The following ODF2 variants were observed in gnomAD, a reference collection of about 807,000 sequenced individuals.
ODF2 encodes outer dense fiber of sperm tails 2, also known as outer dense fiber protein 2.
In ODF2, 47 loss-of-function variants were observed where a neutral mutation model predicts 110.2. That is an observed-to-expected ratio of 0.43 (90% confidence interval 0.34 to 0.54). The LOEUF is 0.54. Ranked by LOEUF, ODF2 falls within the 20% of genes least tolerant of loss-of-function variation. The probability of loss-of-function intolerance (pLI) is 0.03; values close to 1 mark genes in which losing one functional copy is unlikely to be tolerated. For synonymous variants in ODF2, 352 were observed against 397.7 expected (o/e 0.89, Z 1.37); for missense variants, 812 against 1,054.5 (o/e 0.77, Z 3.19).
downstream of ODF2, chr9:128,500,493 C>A (rs1192510381): frequency 6.0e-6 from 3 of 501,976 alleles, no homozygotes; most frequent in East Asian, 9.5e-5. Context: ...CCTCGACAGG[C>A]CTTAAATTTA....
chr9:128,499,078 G>A (rs776571326), exon 20 of ODF2: 10 of 1,614,092 alleles, frequency 6.2e-6, no homozygotes, highest in Non-Finnish European at 8.5e-6. Flanking sequence ...AGACCCAGCT[G>A]AGCAGAACCA....
intron 14 of ODF2, 129 bp downstream of exon 14, chr9:128,488,154 A>G: frequency 9.0e-7 from 1 of 1,106,042 alleles, no homozygotes; most frequent in Non-Finnish European, 1.3e-6. Flanking sequence ...TTGACCAGGC[A>G]TGGTGGCTTA....
chr9:128,497,446 A>AATATATATAT (rs71381765), intron 18 of ODF2: 29 of 42,558 alleles, frequency 6.8e-4, no homozygotes, highest in African/African-American at 1.6e-3. Flanking sequence ...AAAAAAAAAA[A>AATATATATAT]ATATATATAT....
In ODF2 at chr9:128,498,255, C is replaced by T. The variant is rs1172107978; in HGVS notation, c.2013-158C>T. On this transcript the variant is annotated intron_variant, in intron 18 of 20. Coordinates refer to ENST00000604420, the Ensembl canonical transcript of ODF2. ...TCCAGCTGCACAGTTCTTTGGTCGC[C>T]TTGCTGATCTGCAGATTTCTTTGGC... is the stretch of plus-strand genomic sequence containing the variant. The T allele has an allele frequency of 7.7e-6, 9 of 1,170,672 alleles. No homozygotes were observed. In the Admixed American group the frequency reaches 3.2e-4, roughly 41 times the overall value. 72.5% of individuals were successfully genotyped at this position (1,170,672 alleles called of 1,614,324 possible).
At chr9:128,481,534 G>T (rs2131976955) in intron 8 of ODF2, 46 bp from the exon 9 acceptor site, 1 of 1,445,038 alleles carries the variant, frequency 6.9e-7, no homozygotes, top group Non-Finnish European at 9.7e-7. Context: ...AGACATCTGG[G>T]TTTATTGCTT....
chr9:128,492,156 C>T (rs1588974010), intron 14 of ODF2, among the ~76,000 whole-genome samples: 1 of 151,958 alleles, frequency 6.6e-6, no homozygotes, highest in East Asian at 1.9e-4. Flanking sequence ...TGAGCCACCG[C>T]GCCCGGCCTG....
intron 2 of ODF2, 26 bp from the exon 2 acceptor site, chr9:128,459,541 A>T (rs1371713603): frequency 2.0e-5 from 32 of 1,591,542 alleles, no homozygotes; most frequent in Non-Finnish European, 2.7e-5. Flanking sequence ...TTCTGCTTAC[A>T]ATCTGGTTCT....
At chr9:128,482,970 G>A (rs561144765) in intron 10 of ODF2, 83 bp downstream of exon 10, 92 of 1,056,948 alleles carry the variant, frequency 8.7e-5, no homozygotes, top group South Asian at 1.6e-4. Context: ...ATCTCAGCTC[G>A]CTGCAACCTC....
chr9:128,490,802 A>C (rs1564520838), intron 14 of ODF2, among the ~76,000 whole-genome samples: 1 of 152,138 alleles, frequency 6.6e-6, no homozygotes, highest in African/African-American at 2.4e-5. Flanking sequence ...ACATCTGTTA[A>C]GGTTGGTTTT....
chr9:128,487,126 G>A (rs1227190180), intron 13 of ODF2, among the ~76,000 whole-genome samples: 2 of 151,948 alleles, frequency 1.3e-5, no homozygotes, highest in African/African-American at 4.8e-5. Context: ...CCTTCACCCA[G>A]GCTATAGTGC....
intron 14 of ODF2, 78 bp downstream of exon 14, chr9:128,488,103 TGGGGGCATCTTGACTAAG>T: frequency 6.5e-7 from 1 of 1,535,856 alleles, no homozygotes; most frequent in Non-Finnish European, 8.9e-7. Flanking sequence ...TACGTGGGCC[TGGGGGCATCTTGACTAAG>T]AGGGAGTCAG....
chr9:128,480,379 A>T (rs557868105), intron 8 of ODF2, among the ~76,000 whole-genome samples: 1 of 152,360 alleles, frequency 6.6e-6, no homozygotes, highest in East Asian at 1.9e-4. Context: ...ATCACGTCAC[A>T]TGGTTACCTT....
intron 14 of ODF2, among the ~76,000 whole-genome samples, chr9:128,491,352 T>C (rs911531365): frequency 6.7e-5 from 10 of 149,614 alleles, no homozygotes; most frequent in African/African-American, 9.8e-5. Context: ...CCACAACATA[T>C]TGTTAATTTT....
intron 8 of ODF2, among the ~76,000 whole-genome samples, chr9:128,481,302 A>G (rs1842349103): frequency 6.6e-6 from 1 of 152,026 alleles, no homozygotes; most frequent in South Asian, 2.1e-4. Context: ...AGACCCTCCA[A>G]CTCTACAAAT....
At position 128,456,799 on chromosome 9, in the gene ODF2, T is replaced by C. The variant is rs913654408; in HGVS notation, c.-208-399T>C. 7 of 1,138,054 alleles carry C rather than the reference T, an allele frequency of 6.2e-6. No homozygotes were observed. The African/African-American group carries it at 8.4e-5, about 14-fold the overall frequency. The allele number at this position is 1,138,054 out of a possible 1,614,324, so 70.5% of individuals were successfully genotyped here. A position where few individuals can be genotyped will look rare whatever the true frequency, so the allele number is the denominator to read the frequency against. On this transcript the variant is annotated intron_variant, in intron 1 of 20. Transcript: ENST00000604420. ...CCGCCCCCTCCCAGCCCGGCGTCTA[T>C]CCTGCTCAGAACTCTGTTCGGTTTT... is the stretch of plus-strand genomic sequence containing the variant.
chr9:128,477,895 G>A (rs1022123413), intron 8 of ODF2, among the ~76,000 whole-genome samples: 4 of 151,992 alleles, frequency 2.6e-5, no homozygotes, highest in Non-Finnish European at 5.9e-5. Flanking sequence ...CATTGTGCCC[G>A]GCCACTCACC....
exon 9 of ODF2, chr9:128,481,594 A>G (rs756214902): frequency 8.1e-6 from 13 of 1,613,822 alleles, no homozygotes; most frequent in Non-Finnish European, 1.1e-5. Context: ...CTGAAAGACT[A>G]ATGGAGCAAC....
At chr9:128,496,266 A>T in intron 18 of ODF2, 125 bp downstream of exon 18, 1 of 1,529,972 alleles carries the variant, frequency 6.5e-7, no homozygotes, top group East Asian at 2.5e-5. Flanking sequence ...TACTAGGCAG[A>T]CCTCAGAGGA....
At chr9:128,484,363 G>T (rs1842979017) in intron 11 of ODF2, among the ~76,000 whole-genome samples, 1 of 152,136 alleles carries the variant, frequency 6.6e-6, no homozygotes, top group Non-Finnish European at 1.5e-5. Context: ...TCTCTTTGTA[G>T]CCCAGGGGTC....
Sources: gnomAD v4.1 joint callset for allele counts (sites outside exome capture counted in the v4.1 genomes callset) on GRCh38, gnomAD v4.1.1 for gene constraint, MANE v1.5 for transcripts, NCBI Gene and HGNC (gene_info 2026-07-23, HGNC 2026-07-21) for gene names.